The following HS2ST1 variants were observed in gnomAD, a reference collection of about 807,000 sequenced individuals.
The protein encoded by HS2ST1 is heparan sulfate 2-O-sulfotransferase 1.
Under a neutral mutation model 42.9 loss-of-function variants are expected in HS2ST1, and 18 were observed. That is an observed-to-expected ratio of 0.42 (90% CI 0.29 to 0.62). The LOEUF is 0.62. Ranked by LOEUF, HS2ST1 falls within the 20% of genes least tolerant of loss-of-function variation. The probability of loss-of-function intolerance (pLI) is 0.21; values close to 1 mark genes in which losing one functional copy is unlikely to be tolerated. For synonymous variants in HS2ST1, 146 were observed against 152.9 expected (o/e 0.95, Z 0.33); for missense variants, 334 against 433.8 (o/e 0.77, Z 2.04).
intron 1 of HS2ST1, among the ~76,000 whole-genome samples, chr1:87,063,615 G>A (rs866376465): frequency 6.6e-6 from 1 of 152,168 alleles, no homozygotes; most frequent in Non-Finnish European, 1.5e-5. Context: ...GATTACAAGC[G>A]TGAGCTACCA....
intron 1 of HS2ST1, among the ~76,000 whole-genome samples, chr1:86,991,222 C>T (rs1387799347): frequency 6.6e-6 from 1 of 151,638 alleles, no homozygotes; most frequent in Non-Finnish European, 1.5e-5. Flanking sequence ...CCATCTGTTA[C>T]AAAAAAAGAC....
intron 1 of HS2ST1, among the ~76,000 whole-genome samples, chr1:86,959,321 TGTAGAAA>T (rs1647760234): frequency 6.6e-6 from 1 of 152,208 alleles, no homozygotes; most frequent in South Asian, 2.1e-4. Context: ...TGTTGGTATA[TGTAGAAA>T]GTCCCAACAA....
chr1:87,042,687 AAAG>A (rs1225396278), intron 1 of HS2ST1, among the ~76,000 whole-genome samples: 7 of 152,118 alleles, frequency 4.6e-5, no homozygotes, highest in African/African-American at 1.7e-4. Flanking sequence ...TTCCTGATGA[AAAG>A]ATCCTGTATT....
At chr1:87,058,690 T>C (rs1180462276) in intron 1 of HS2ST1, among the ~76,000 whole-genome samples, 2 of 151,644 alleles carry the variant, frequency 1.3e-5, no homozygotes, top group African/African-American at 4.9e-5. Context: ...CCCCTGTAAT[T>C]CATATCTCTG....
intron 1 of HS2ST1, among the ~76,000 whole-genome samples, chr1:86,950,985 T>C (rs1440894106): frequency 1.3e-5 from 2 of 152,156 alleles, no homozygotes; most frequent in African/African-American, 4.8e-5. Context: ...GATGTGGAGC[T>C]GAACCTCTGA....
intron 1 of HS2ST1, among the ~76,000 whole-genome samples, chr1:86,985,664 C>G (rs1648763937): frequency 6.6e-6 from 1 of 151,294 alleles, no homozygotes; most frequent in South Asian, 2.1e-4. Context: ...TAACAACAAC[C>G]TATGTTGTTT....
At chr1:86,991,035 C>T (rs903353795) in intron 1 of HS2ST1, among the ~76,000 whole-genome samples, 2 of 150,658 alleles carry the variant, frequency 1.3e-5, no homozygotes, top group African/African-American at 4.9e-5. Context: ...TTTACTCAAA[C>T]CTGTATAGCT....
intron 1 of HS2ST1, among the ~76,000 whole-genome samples, chr1:86,955,526 T>C (rs1377346546): frequency 6.6e-6 from 1 of 152,056 alleles, no homozygotes; most frequent in Non-Finnish European, 1.5e-5. Context: ...TTTTACAGTA[T>C]ACCAAGTGAA....
chr1:86,949,773 T>G (rs1460927708), intron 1 of HS2ST1, among the ~76,000 whole-genome samples: 1 of 152,226 alleles, frequency 6.6e-6, no homozygotes, highest in Non-Finnish European at 1.5e-5. Context: ...CATTGGACAC[T>G]GTTGTTCTAA....
intron 1 of HS2ST1, among the ~76,000 whole-genome samples, chr1:87,023,774 G>T (rs892159234): frequency 6.6e-6 from 1 of 151,950 alleles, no homozygotes; most frequent in African/African-American, 2.4e-5. Context: ...ATGTAAAATT[G>T]AGGATTATTC....
intron 6 of HS2ST1, 30 bp from the exon 7 acceptor site, chr1:87,104,440 C>A: frequency 7.2e-7 from 1 of 1,392,524 alleles, no homozygotes; most frequent in Non-Finnish European, 1.0e-6. Flanking sequence ...GAATTATTTA[C>A]CTTTCCTTTT....
intron 1 of HS2ST1, among the ~76,000 whole-genome samples, chr1:86,974,663 C>T (rs1648340977): frequency 6.6e-6 from 1 of 152,138 alleles, no homozygotes. Context: ...TGCACTAACT[C>T]TGAGCAGAAT....
intron 1 of HS2ST1, among the ~76,000 whole-genome samples, chr1:87,062,691 A>G (rs996616156): frequency 6.6e-6 from 1 of 151,770 alleles, no homozygotes; most frequent in Non-Finnish European, 1.5e-5. Flanking sequence ...CTTTTTGTTT[A>G]TTTATAGAGT....
chr1:86,934,054 T>C (rs887104876), intron 1 of HS2ST1, among the ~76,000 whole-genome samples: 2 of 152,190 alleles, frequency 1.3e-5, no homozygotes, highest in African/African-American at 4.8e-5. Context: ...CCTGTGTCTT[T>C]GGACTGTGAC....
At chr1:86,945,180 T>A (rs1647294276) in intron 1 of HS2ST1, among the ~76,000 whole-genome samples, 1 of 152,096 alleles carries the variant, frequency 6.6e-6, no homozygotes, top group Non-Finnish European at 1.5e-5. Context: ...AGGAATTTGA[T>A]GAGGAAAATT....
At chr1:87,045,077 C>T (rs560412864) in intron 1 of HS2ST1, 5 of 1,031,576 alleles carry the variant, frequency 4.8e-6, no homozygotes, top group East Asian at 2.4e-5. Context: ...CTTCTTCATC[C>T]GAATCAACTG....
In HS2ST1 at chr1:87,073,191, A is replaced by G. The variant is rs368468633; in HGVS notation, c.363+19A>G. The G allele has an allele frequency of 3.1e-5, 46 of 1,491,810 alleles. No homozygotes were observed. Among genetic ancestry groups the G allele is most frequent in the Non-Finnish European group, 4.1e-5 (44 of 1,069,704 alleles). 92.4% of individuals were successfully genotyped at this position (1,491,810 alleles called of 1,614,324 possible). On this transcript the variant is annotated intron_variant, in intron 2 of 6. Coordinates refer to ENST00000370550, the MANE Select transcript of HS2ST1 (RefSeq NM_012262.4). ...AGATCAGGTAATTACCACTTAAGGA[A>G]TGCCCAAATATTTTCTAATACTTCC...
At chr1:87,026,004 TA>T (rs1650078886) in intron 1 of HS2ST1, among the ~76,000 whole-genome samples, 1 of 152,228 alleles carries the variant, frequency 6.6e-6, no homozygotes, top group Admixed American at 6.5e-5. Flanking sequence ...GTTAAAAAAA[TA>T]TATTCTTATT....
intron 1 of HS2ST1, among the ~76,000 whole-genome samples, chr1:87,023,440 A>T (rs555188920): frequency 6.8e-6 from 1 of 146,412 alleles, no homozygotes; most frequent in Non-Finnish European, 1.5e-5. Context: ...ATACAAACTG[A>T]TGTGTAATGT....
Sources: gnomAD v4.1 joint callset for allele counts (sites outside exome capture counted in the v4.1 genomes callset) on GRCh38, gnomAD v4.1.1 for gene constraint, MANE v1.5 for transcripts, NCBI Gene and HGNC (gene_info 2026-07-23, HGNC 2026-07-21) for gene names.